SCAP: variants seen among roughly 807,000 people sequenced by gnomAD.
SCAP encodes the protein SREBF chaperone, also known as sterol regulatory element-binding protein cleavage-activating protein.
A neutral mutation model predicts 123.6 loss-of-function variants in SCAP; 65 were observed. That is an observed-to-expected ratio of 0.53 (90% CI 0.43 to 0.65). The LOEUF (loss-of-function observed/expected upper bound fraction) is 0.65. SCAP is among the 30% of genes least tolerant of loss of function. The probability of loss-of-function intolerance (pLI) is 0.00; values close to 1 mark genes in which losing one functional copy is unlikely to be tolerated. For missense variants in SCAP, 1,398 were observed against 1,712.5 expected (o/e 0.82, Z 3.24); for synonymous variants, 740 against 726.3 (o/e 1.02, Z -0.30).
intron 16 of SCAP, 125 bp from the exon 17 acceptor site, chr3:47,417,951 GTGGTGC>G (rs1705694118): frequency 6.8e-5 from 31 of 457,474 alleles, no homozygotes; most frequent in Non-Finnish European, 1.0e-4. Context: ...GGGGGAGAGG[GTGGTGC>G]GGGGTGGGGA....
At chr3:47,445,769 A>T (rs1707013423) in intron 1 of SCAP, among the ~76,000 whole-genome samples, 1 of 149,676 alleles carries the variant, frequency 6.7e-6, no homozygotes, top group Non-Finnish European at 1.5e-5. Context: ...ATGGGGTTTC[A>T]CCATGTTGGC....
At chr3:47,421,917 C>A (rs564729890) in intron 10 of SCAP, among the ~76,000 whole-genome samples, 1 of 152,290 alleles carries the variant, frequency 6.6e-6, no homozygotes, top group African/African-American at 2.4e-5. Flanking sequence ...TGAGTGAGGG[C>A]ACTTTGCCAA....
chr3:47,425,347 G>T (rs1371925761), intron 8 of SCAP, 138 bp downstream of exon 8: 1 of 890,032 alleles, frequency 1.1e-6, no homozygotes, highest in Non-Finnish European at 1.7e-6. Context: ...GGAAGAAAAT[G>T]TACCTCTTAA....
intron 1 of SCAP, among the ~76,000 whole-genome samples, chr3:47,464,921 T>C (rs112741837): frequency 0.023 from 3,457 of 152,276 alleles, 59 homozygotes; most frequent in South Asian, 0.046. Context: ...AACAAAGTTG[T>C]AGGATGCAAA....
At chr3:47,455,908 G>C (rs1473973997) in intron 1 of SCAP, among the ~76,000 whole-genome samples, 1 of 152,172 alleles carries the variant, frequency 6.6e-6, no homozygotes, top group Non-Finnish European at 1.5e-5. Context: ...AATTAAAACA[G>C]TGTGGTCCTA....
At chr3:47,427,698 G>C (rs371865910) in intron 4 of SCAP, 31 bp from the exon 5 acceptor site, 2 of 1,588,680 alleles carry the variant, frequency 1.3e-6, no homozygotes, top group Non-Finnish European at 1.7e-6. Context: ...GGCACCTGCT[G>C]TGTCTGCCAC....
intron 3 of SCAP, 193 bp from the exon 4 acceptor site, chr3:47,428,863 C>T (rs1426687571): frequency 1.9e-5 from 11 of 570,132 alleles, no homozygotes; most frequent in East Asian, 1.5e-4. Flanking sequence ...CCAGAAACTC[C>T]CTCCGCTTAT....
chr3:47,418,372 A>G lies in SCAP; in HGVS notation c.2280T>C (p.Tyr760=), dbSNP rs1374850562. ...GCACGATCTCCGTCTCGGGTGGCGCATAGCCGTAGTCGTCGCAGGGCAGCT... is the reference window on the plus strand; with the variant it reads ...GCACGATCTCCGTCTCGGGTGGCGCGTAGCCGTAGTCGTCGCAGGGCAGCT... ...RGELPCDDYG[Y]APPETEIVPL... The change falls in exon 15 of 23, where the codon TAT becomes TAC. Residue 760 remains tyrosine (Y), a synonymous_variant. Coordinates refer to ENST00000265565, the MANE Select transcript of SCAP (RefSeq NM_012235.4). 1 of 1,573,376 alleles carries G rather than the reference A, an allele frequency of 6.4e-7. No individual in the cohort carries two copies. The highest frequency in any genetic ancestry group is 8.6e-7 in the Non-Finnish European group (1 of 1,162,348).
chr3:47,433,092 G>C (rs1706432346), intron 3 of SCAP, among the ~76,000 whole-genome samples: 2 of 152,194 alleles, frequency 1.3e-5, no homozygotes, highest in Admixed American at 6.5e-5. Context: ...TCCTTTTGAG[G>C]CTCAAACTAT....
chr3:47,414,322 C>T lies in SCAP; in HGVS notation c.3452G>A (p.Ser1151Asn). 6.2e-7 allele frequency: 1 copy of T among 1,613,202 alleles called. No homozygotes were observed. The highest frequency in any genetic ancestry group is 8.5e-7 in the Non-Finnish European group (1 of 1,180,038). ...AICLWDVLTG[S>N]RVSHVFAHRG... ...GTGAGCAAACACATGGCTGACCCGG[C>T]TGCCAGTCAGTACATCCCACAGGCA... Residue 1151 changes from serine (S) to asparagine (N), a missense_variant, in exon 22 of 23, where the codon AGC becomes AAC. Around this residue, in one of 7 missense-constraint regions of SCAP, gnomAD observed 130 missense variants for 166.7 expected, o/e 0.78. Coordinates refer to ENST00000265565, the MANE Select transcript of SCAP (RefSeq NM_012235.4).
rs148831145 is a variant in SCAP at position 47,413,770 on chromosome 3, C to G, written c.*84G>C. On this transcript the variant is annotated 3_prime_UTR_variant, in exon 23 of 23. Coordinates refer to ENST00000265565, the MANE Select transcript of SCAP (RefSeq NM_012235.4). ...CAGGAGGCAGCGGCTGGAAGATACT[C>G]GGCTCTTTCCCCCAAGTCCAGGTTC... is the stretch of plus-strand genomic sequence containing the variant. 5.3e-6 allele frequency: 8 copies of G among 1,514,034 alleles called. No homozygotes were observed. In the African/African-American group the frequency reaches 1.1e-4, roughly 21 times the overall value. The allele number at this position is 1,514,034 out of a possible 1,614,324, so 93.8% of individuals were successfully genotyped here.
intron 4 of SCAP, 65 bp downstream of exon 4, chr3:47,428,448 G>A (rs1312904503): frequency 9.3e-6 from 14 of 1,505,500 alleles, no homozygotes; most frequent in Non-Finnish European, 1.3e-5. Flanking sequence ...GTTACACTGA[G>A]GACTGTAACT....
At chr3:47,458,028 C>T (rs1309825480) in intron 1 of SCAP, among the ~76,000 whole-genome samples, 2 of 152,206 alleles carry the variant, frequency 1.3e-5, no homozygotes, top group African/African-American at 4.8e-5. Flanking sequence ...TGGCTCACGC[C>T]TGTAATCCCA....
intron 1 of SCAP, among the ~76,000 whole-genome samples, chr3:47,465,519 C>T (rs1559570442): frequency 1.3e-5 from 2 of 152,202 alleles, no homozygotes; most frequent in Admixed American, 6.5e-5. Flanking sequence ...GTAAACCCAG[C>T]ACTTTGGGAG....
chr3:47,428,557 T>C lies in SCAP; in HGVS notation c.366A>G (p.Ala122=). 6.2e-7 allele frequency: 1 copy of C among 1,614,168 alleles called. No individual in the cohort carries two copies. The highest frequency in any genetic ancestry group is 1.3e-5 in the African/African-American group (1 of 75,040). ...VDVFRSPLSR[A]FQLVEEIRNH... is the part of the protein sequence containing the mutation. ...TCCGGATCTCCTCCACCAGTTGGAA[T>C]GCCCGGGACAAAGGTGAACGAAATA... Residue 122 remains alanine, a synonymous_variant, in exon 4 of 23, where the codon GCA becomes GCG. Coordinates refer to ENST00000265565, the MANE Select transcript of SCAP (RefSeq NM_012235.4).
chr3:47,415,095 G>A lies in SCAP; in HGVS notation c.3139+3C>T, dbSNP rs768049986. On this transcript the variant is annotated splice_donor_region_variant and intron_variant, in intron 19 of 22. Coordinates refer to ENST00000265565, the MANE Select transcript of SCAP (RefSeq NM_012235.4). ...AACACCTGCCCACCCCAGGCCCTCCGACCTCTAAACTGCAGGGGGCTGAGG... is the reference window on the plus strand; with the variant it reads ...AACACCTGCCCACCCCAGGCCCTCCAACCTCTAAACTGCAGGGGGCTGAGG... 2.2e-5 allele frequency: 35 copies of A among 1,602,774 alleles called. No homozygotes were observed. The highest frequency in any genetic ancestry group is 1.0e-4 in the Admixed American group (6 of 57,376).
At chr3:47,435,469 T>TATACAC (rs1706538016) in intron 2 of SCAP, among the ~76,000 whole-genome samples, 1 of 91,910 alleles carries the variant, frequency 1.1e-5, no homozygotes, top group African/African-American at 3.5e-5. Context: ...AATATAAACA[T>TATACAC]ACACACACAC....
chr3:47,460,100 C>T (rs1011915023), intron 1 of SCAP, among the ~76,000 whole-genome samples: 2 of 152,230 alleles, frequency 1.3e-5, no homozygotes, highest in African/African-American at 2.4e-5. Flanking sequence ...CCAGACCCCA[C>T]AGGCAGTCAG....
Position 47,420,671 on chromosome 3 carries a change from C to G in SCAP, c.1446G>C (p.Pro482=). Residue 482 remains proline (P), a synonymous_variant, in exon 12 of 23, where the codon CCG becomes CCC. Transcript: ENST00000265565. This position sits in a 1 kb window ranked among gnomAD's most constrained non-coding sequence, Gnocchi z 5.0. ...TRYERQLAVR[P]STPHTITLQP... is the part of the protein sequence containing the mutation. ...GCAACGTGATGGTGTGGGGTGTGGACGGCCTCACAGCCAGCTGCCGCTCGT... is the reference window on the plus strand; with the variant it reads ...GCAACGTGATGGTGTGGGGTGTGGAGGGCCTCACAGCCAGCTGCCGCTCGT... 1 of 1,611,838 alleles carries G rather than the reference C, an allele frequency of 6.2e-7. No homozygotes were observed. The highest frequency in any genetic ancestry group is 8.5e-7 in the Non-Finnish European group (1 of 1,179,966).
Sources: allele counts gnomAD v4.1 joint callset (sites outside exome capture counted in the v4.1 genomes callset), GRCh38; gene constraint gnomAD v4.1.1; regional missense constraint gnomAD v4.1.1; non-coding constraint Gnocchi (gnomAD v3.1); transcripts MANE v1.5; gene names NCBI Gene and HGNC (gene_info 2026-07-23, HGNC 2026-07-21).